Variants in TTC33 observed in about 807,000 individuals in gnomAD.
TTC33 encodes tetratricopeptide repeat protein 33.
TTC33 carries 24 observed loss-of-function variants against 29.4 expected under a neutral mutation model. That is an observed-to-expected ratio of 0.82 (90% CI 0.59 to 1.15). TTC33 has a LOEUF of 1.15. Ranked by LOEUF, TTC33 falls within the 50% of genes most tolerant of loss-of-function variation. The pLI is 0.00. For missense variants in TTC33, 286 were observed against 310.4 expected (o/e 0.92, Z 0.59); for synonymous variants, 107 against 100.3 (o/e 1.07, Z -0.40).
chr5:40,720,890 C>G (rs1742116536), intron 4 of TTC33, among the ~76,000 whole-genome samples: 2 of 152,210 alleles, frequency 1.3e-5, no homozygotes, highest in Non-Finnish European at 2.9e-5. Context: ...TCCAATGCCC[C>G]AACTTCTACG....
intron 2 of TTC33, among the ~76,000 whole-genome samples, chr5:40,738,266 G>A (rs1406142167): frequency 6.6e-6 from 1 of 151,588 alleles, no homozygotes; most frequent in Non-Finnish European, 1.5e-5. Context: ...TCAAAAATTA[G>A]CCAGGCATAG....
rs777592627 is a variant in TTC33, at chr5:40,747,004, C to T, written c.15G>A (p.Gly5=). ...CCTTCTCACCAATTTTCCTCTTCCA[C>T]CCAAAGGAAGCCATTCTGGAAAATT... MASF[G]WKRKIGEKVS... Residue 5 remains glycine, a synonymous_variant, in exon 2 of 5, where the codon GGG becomes GGA. Transcript: ENST00000337702. 1.2e-6 allele frequency: 2 copies of T among 1,610,904 alleles called. No homozygotes were observed. The highest frequency in any genetic ancestry group is 1.3e-5 in the African/African-American group (1 of 74,704).
intron 4 of TTC33, among the ~76,000 whole-genome samples, chr5:40,718,713 G>C (rs955677805): frequency 6.6e-6 from 1 of 151,934 alleles, no homozygotes; most frequent in African/African-American, 2.4e-5. Context: ...ACTTCAGCCT[G>C]GGCGACAGAG....
At chr5:40,725,997 G>GGA (rs1255832522) in intron 4 of TTC33, among the ~76,000 whole-genome samples, 7 of 151,678 alleles carry the variant, frequency 4.6e-5, no homozygotes, top group Non-Finnish European at 8.8e-5. Flanking sequence ...GTGTTAGCCA[G>GGA]GATGGTCTCA....
chr5:40,745,388 G>A (rs542246570), intron 2 of TTC33, among the ~76,000 whole-genome samples: 1 of 152,178 alleles, frequency 6.6e-6, no homozygotes, highest in South Asian at 2.1e-4. Context: ...CTTTCAAATA[G>A]ATCAGCAAAA....
In TTC33 at chr5:40,716,158, A is replaced by G. The variant is rs747350944; in HGVS notation, c.776T>C (p.Ile259Thr). Residue 259 changes from isoleucine (I) to threonine (T), a missense_variant, in exon 5 of 5, where the codon ATC becomes ACC. Coordinates refer to ENST00000337702, the MANE Select transcript of TTC33 (RefSeq NM_012382.3). Reference sequence around the variant, plus strand: ...ATGCATACTGCTTCATCGGGCTTTGATAAAAACAGAGCCATCTGGTGGTGT... The same window carrying G: ...ATGCATACTGCTTCATCGGGCTTTGGTAAAAACAGAGCCATCTGGTGGTGT... ...GATPPDGSVF[I>T]KAR 58 of 1,603,228 alleles carry G rather than the reference A, an allele frequency of 3.6e-5. No homozygotes were observed. The highest frequency in any genetic ancestry group is 4.9e-5 in the Non-Finnish European group (57 of 1,173,320).
At chr5:40,739,027 A>G (rs938776536) in intron 2 of TTC33, among the ~76,000 whole-genome samples, 1 of 152,166 alleles carries the variant, frequency 6.6e-6, no homozygotes, top group East Asian at 1.9e-4. Context: ...TAAGCCTTTT[A>G]AAAACCAGAA....
rs1741937532 is a variant in TTC33 at position 40,713,474 on chromosome 5, A to G, written c.*2671T>C. 6.6e-6 allele frequency among the ~76,000 whole-genome samples: 1 copy of G among 152,220 alleles called. No individual in the cohort carries two copies. Among genetic ancestry groups the G allele is most frequent in the South Asian group, 2.1e-4 (1 of 4,836 alleles). Reference sequence around the variant, plus strand: ...AGATTGTCATACTGAAACCACTGCCATAAAATTTTGTATGTAGGCCCCAGT... The same window carrying G: ...AGATTGTCATACTGAAACCACTGCCGTAAAATTTTGTATGTAGGCCCCAGT... On this transcript the variant is annotated 3_prime_UTR_variant, in exon 5 of 5. Transcript: ENST00000337702.
chr5:40,735,347 G>A (rs1742526503), intron 2 of TTC33, among the ~76,000 whole-genome samples: 1 of 152,120 alleles, frequency 6.6e-6, no homozygotes, highest in Non-Finnish European at 1.5e-5. Flanking sequence ...ATTTAGGTAT[G>A]AGATAACCCT....
intron 4 of TTC33, among the ~76,000 whole-genome samples, chr5:40,720,296 T>G (rs937097635): frequency 6.6e-6 from 1 of 152,214 alleles, no homozygotes; most frequent in African/African-American, 2.4e-5. Flanking sequence ...CACCATTTGC[T>G]GAAGACTATT....
intron 1 of TTC33, among the ~76,000 whole-genome samples, chr5:40,753,278 C>T (rs1742927657): frequency 1.3e-5 from 2 of 151,740 alleles, no homozygotes; most frequent in South Asian, 2.1e-4. Flanking sequence ...GCAGGAGAAT[C>T]GCTTGAACTT....
chr5:40,737,007 C>G, intron 2 of TTC33, among the ~76,000 whole-genome samples: 1 of 151,984 alleles, frequency 6.6e-6, no homozygotes. Context: ...ATTTAAAAGC[C>G]ACTCAAGGTT....
At chr5:40,745,853 G>A (rs1742779586) in intron 2 of TTC33, among the ~76,000 whole-genome samples, 1 of 151,894 alleles carries the variant, frequency 6.6e-6, no homozygotes, top group South Asian at 2.1e-4. Flanking sequence ...TCCCACCTTG[G>A]CCTCCCAAAG....
chr5:40,730,256 T>TA lies in TTC33; in HGVS notation c.303+5dup, dbSNP rs1742391623. On this transcript the variant is annotated splice_donor_region_variant and intron_variant, in intron 3 of 4. Transcript: ENST00000337702. ...TAAGGAAAGTGAAATTCTTCATAAT[T>TA]ATTACCTGTGATTTCATCTCGTATA... 2 of 1,592,382 alleles carry TA rather than the reference T, an allele frequency of 1.3e-6. No individual in the cohort carries two copies. Among genetic ancestry groups the TA allele is most frequent in the Non-Finnish European group, 1.7e-6 (2 of 1,165,520 alleles).
chr5:40,726,606 C>A (rs889080067), intron 4 of TTC33, among the ~76,000 whole-genome samples: 1 of 53,466 alleles, frequency 1.9e-5, no homozygotes. Flanking sequence ...TGAATAGAGC[C>A]ATATCAACAG....
intron 1 of TTC33, among the ~76,000 whole-genome samples, chr5:40,751,768 C>T (rs58959806): frequency 0.015 from 2,281 of 152,210 alleles, 58 homozygotes; most frequent in African/African-American, 0.051. Flanking sequence ...ACCATCCTGG[C>T]CAACATGGTG....
chr5:40,730,155 T>C (rs563265521), intron 3 of TTC33, 107 bp downstream of exon 3: 12 of 824,966 alleles, frequency 1.5e-5, no homozygotes, highest in Non-Finnish European at 2.3e-5. Flanking sequence ...GAAACCGTAT[T>C]TGTAAAAGAA....
intron 1 of TTC33, among the ~76,000 whole-genome samples, chr5:40,753,141 G>C (rs533472733): frequency 6.6e-6 from 1 of 152,196 alleles, no homozygotes; most frequent in South Asian, 2.1e-4. Context: ...GAGGCAGGCG[G>C]ATCACCTGAG....
chr5:40,736,748 T>C (rs933243288), intron 2 of TTC33, among the ~76,000 whole-genome samples: 1 of 152,168 alleles, frequency 6.6e-6, no homozygotes, highest in Non-Finnish European at 1.5e-5. Flanking sequence ...CAAAATTCTA[T>C]AAGATATGTA....
Sources: gnomAD v4.1 joint callset for allele counts (sites outside exome capture counted in the v4.1 genomes callset) on GRCh38, gnomAD v4.1.1 for gene constraint, MANE v1.5 for transcripts, NCBI Gene and HGNC (gene_info 2026-07-23, HGNC 2026-07-21) for gene names.